Variants in PAK1IP1 observed in about 807,000 individuals in gnomAD.
PAK1IP1 encodes the protein PAK1 interacting protein 1.
In PAK1IP1, 24 loss-of-function variants were observed where a neutral mutation model predicts 42.0. The ratio of observed to expected loss-of-function variants is 0.57; its 90% CI spans 0.41 to 0.80. The LOEUF is 0.80. Among genes scored for constraint, PAK1IP1 ranks in the 30% least tolerant of loss-of-function variants. The probability of loss-of-function intolerance (pLI) is 0.00; values close to 1 mark genes in which losing one functional copy is unlikely to be tolerated. For synonymous variants in PAK1IP1, 154 were observed against 156.7 expected (o/e 0.98, Z 0.13); for missense variants, 411 against 467.9 (o/e 0.88, Z 1.12).
At chr6:10,697,303 G>T in intron 1 of PAK1IP1, 21 bp from the exon 2 acceptor site, 1 of 1,605,982 alleles carries the variant, frequency 6.2e-7, no homozygotes. Context: ...GGCATTAATT[G>T]TATGTTTTCA....
At chr6:10,706,566 A>G (rs1179783978) in intron 7 of PAK1IP1, among the ~76,000 whole-genome samples, 1 of 152,066 alleles carries the variant, frequency 6.6e-6, no homozygotes, top group Non-Finnish European at 1.5e-5. Context: ...TTAAGCCTGC[A>G]AGTTACATGA....
rs115538337 is a variant in PAK1IP1 at position 10,700,881 on chromosome 6, G to A, written c.248-1488G>A. On this transcript the variant is annotated intron_variant, in intron 2 of 9. Coordinates refer to ENST00000379568, the MANE Select transcript of PAK1IP1 (RefSeq NM_017906.3). ...CATGCAGGATGTGCAGGTTTGTTACGTAGGTAAACGTCCCATGGTGGTTTG... is the reference window on the plus strand; with the variant it reads ...CATGCAGGATGTGCAGGTTTGTTACATAGGTAAACGTCCCATGGTGGTTTG... 5.3e-3 allele frequency among the ~76,000 whole-genome samples: 800 copies of A among 151,598 alleles called. 6 individuals are homozygous for A. The highest frequency in any genetic ancestry group is 0.018 in the African/African-American group (756 of 41,270).
rs533529111 is a variant in PAK1IP1, at chr6:10,701,008, G to A, written c.248-1361G>A. ...AACCCTTCCCCTCCCACAGGCCCCA[G>A]TGTGTGTTGTTTTTCCCCTGTGTGA... On this transcript the variant is annotated intron_variant, in intron 2 of 9. Transcript: ENST00000379568. Among the ~76,000 whole-genome samples the A allele has an allele frequency of 2.2e-3, 329 of 152,194 alleles. 1 individual carries two copies. Among genetic ancestry groups the A allele is most frequent in the Non-Finnish European group, 2.4e-3 (166 of 67,998 alleles).
At chr6:10,699,285 G>A (rs555175822) in intron 2 of PAK1IP1, among the ~76,000 whole-genome samples, 3 of 152,188 alleles carry the variant, frequency 2.0e-5, no homozygotes, top group South Asian at 2.1e-4. Flanking sequence ...AAAAGCAGGT[G>A]GAGTGTGAGT....
At chr6:10,694,652 G>C (rs1769714721), upstream of PAK1IP1, 3 of 243,828 alleles carry the variant, frequency 1.2e-5, no homozygotes, top group Non-Finnish European at 2.4e-5. Flanking sequence ...GAAATGAAGG[G>C]CTTCGCAGAG....
At position 10,702,612 on chromosome 6, in the gene PAK1IP1, T is replaced by C. The variant is rs1277010938; in HGVS notation, c.416T>C (p.Leu139Pro). Residue 139 changes from leucine (L) to proline (P), a missense_variant, in exon 4 of 10, where the codon CTG (leucine) becomes CCG (proline). By Grantham distance (98) the Leu-to-Pro change is moderately conservative. Coordinates refer to ENST00000379568, the MANE Select transcript of PAK1IP1 (RefSeq NM_017906.3). The stretch of plus-strand genomic sequence containing the variant: ...ATTCACCCATCTGGCAAGTTGGCCC[T>C]GTCGGTTGGTACAGATAAAACTTTA... ...LSIHPSGKLA[L>P]SVGTDKTLRT... The C allele has an allele frequency of 4.3e-6, 7 of 1,613,502 alleles. No individual in the cohort carries two copies. Among genetic ancestry groups the C allele is most frequent in the Non-Finnish European group, 5.9e-6 (7 of 1,179,756 alleles).
At chr6:10,704,422 G>C in intron 5 of PAK1IP1, 85 bp from the exon 6 acceptor site, 6 of 749,408 alleles carry the variant, frequency 8.0e-6, no homozygotes, top group Non-Finnish European at 1.1e-5. Flanking sequence ...AAAATGCACA[G>C]TATAAATATT....
At chr6:10,698,164 C>G (rs752998211) in intron 2 of PAK1IP1, among the ~76,000 whole-genome samples, 23 of 152,112 alleles carry the variant, frequency 1.5e-4, no homozygotes, top group Admixed American at 3.3e-4. Context: ...TTATGTACCC[C>G]TCTGTGTGCC....
chr6:10,693,144 G>A (rs1240363369), upstream of PAK1IP1, among the ~76,000 whole-genome samples: 5 of 152,212 alleles, frequency 3.3e-5, no homozygotes, highest in East Asian at 9.6e-4. Context: ...CTCACAGCCT[G>A]TTTAGCAAAT....
upstream of PAK1IP1, chr6:10,694,922 T>G (rs1403450509): frequency 1.0e-5 from 9 of 872,784 alleles, no homozygotes; most frequent in African/African-American, 5.6e-5. Context: ...TTTTTTTTTT[T>G]GGTTTCCGGT....
At chr6:10,692,213 T>C (rs878958299), upstream of PAK1IP1, among the ~76,000 whole-genome samples, 3 of 152,092 alleles carry the variant, frequency 2.0e-5, no homozygotes, top group Non-Finnish European at 2.9e-5. Context: ...TAAACAGATA[T>C]GTTGTGGAGT....
rs1315387936 is a variant in PAK1IP1, at chr6:10,697,467, G to C, written c.228G>C (p.Gly76=). 6.2e-7 allele frequency: 1 copy of C among 1,613,606 alleles called. No homozygotes were observed. Among genetic ancestry groups the C allele is most frequent in the Non-Finnish European group, 8.5e-7 (1 of 1,179,626 alleles). The change falls in exon 2 of 10, where the codon GGG becomes GGC. Residue 76 remains glycine (G), a synonymous_variant. Coordinates refer to ENST00000379568, the MANE Select transcript of PAK1IP1 (RefSeq NM_017906.3). ...ACATGAAAAAGAAGATTGAGCATGG[G>C]GCTCTAGTGCATCACAGTGGTAAGA... is the stretch of plus-strand genomic sequence containing the variant. ...IYDMKKKIEH[G]ALVHHSGTIT...
intron 8 of PAK1IP1, among the ~76,000 whole-genome samples, 163 bp from the exon 9 acceptor site, chr6:10,708,790 G>T (rs1243985666): frequency 6.6e-6 from 1 of 151,744 alleles, no homozygotes; most frequent in East Asian, 1.9e-4. Context: ...AATTGGCTCT[G>T]TGAATAACAG....
chr6:10,708,938 G>A lies in PAK1IP1; in HGVS notation c.841-15G>A, dbSNP rs1770292269. The A allele has an allele frequency of 3.8e-6, 6 of 1,583,932 alleles. No individual in the cohort carries two copies. The highest frequency in any genetic ancestry group is 5.2e-6 in the Non-Finnish European group (6 of 1,165,002). Reference sequence around the variant, plus strand: ...TTGAAAATGCACATTATGAATGTTTGTTTCTTCTGTTTAGAAAGTTCCCCC... The same window carrying A: ...TTGAAAATGCACATTATGAATGTTTATTTCTTCTGTTTAGAAAGTTCCCCC... On this transcript the variant is annotated splice_polypyrimidine_tract_variant and intron_variant, in intron 8 of 9. Transcript: ENST00000379568.
intron 2 of PAK1IP1, 126 bp from the exon 3 acceptor site, chr6:10,702,240 CAAA>C (rs57502144): frequency 1.6e-3 from 926 of 567,534 alleles, no homozygotes; most frequent in Middle Eastern, 2.0e-3. Flanking sequence ...AACCCTGCCT[CAAA>C]AAAAAAAAAA....
intron 9 of PAK1IP1, 23 bp downstream of exon 9, chr6:10,709,099 A>C: frequency 6.2e-7 from 1 of 1,602,660 alleles, no homozygotes; most frequent in South Asian, 1.1e-5. Flanking sequence ...GATTGTTTTG[A>C]AATTTTGAAT....
Position 10,709,011 on chromosome 6 carries a change from G to A in PAK1IP1, c.899G>A (p.Gly300Glu). 1 of 1,612,132 alleles carries A rather than the reference G, an allele frequency of 6.2e-7. No homozygotes were observed. The highest frequency in any genetic ancestry group is 8.5e-7 in the Non-Finnish European group (1 of 1,178,214). ...ACTAATGCCAGGCTGACGTGTCTTG[G>A]AGTGTGGCTAGACAAAGTGGCAGAC... The part of the protein sequence containing the change: ...INTNARLTCL[G>E]VWLDKVADMK... The change falls in exon 9 of 10, where the codon GGA becomes GAA. Residue 300 changes from glycine (G) to glutamate (E), a missense_variant. Physicochemically the swap from Gly to Glu is moderately conservative, Grantham distance 98 (BLOSUM62 -2). Coordinates refer to ENST00000379568, the MANE Select transcript of PAK1IP1 (RefSeq NM_017906.3).
At chr6:10,706,611 G>A (rs1770210150) in intron 7 of PAK1IP1, among the ~76,000 whole-genome samples, 1 of 152,146 alleles carries the variant, frequency 6.6e-6, no homozygotes, top group African/African-American at 2.4e-5. Context: ...CTGGCCAGGT[G>A]CAGTGGCTCA....
chr6:10,708,832 G>A, intron 8 of PAK1IP1, 121 bp from the exon 9 acceptor site: 1 of 799,880 alleles, frequency 1.3e-6, no homozygotes, highest in Non-Finnish European at 2.0e-6. Flanking sequence ...ATTATATGTT[G>A]CTTCTGAATA....
Sources: allele counts gnomAD v4.1 joint callset (sites outside exome capture counted in the v4.1 genomes callset), GRCh38; gene constraint gnomAD v4.1.1; transcripts MANE v1.5; gene names NCBI Gene and HGNC (gene_info 2026-07-23, HGNC 2026-07-21).